Variants in FAF1 observed in about 807,000 individuals in gnomAD.
FAF1 encodes FAS-associated factor 1.
A neutral mutation model predicts 92.5 loss-of-function variants in FAF1; 25 were observed. That is an observed-to-expected ratio of 0.27 (90% CI 0.20 to 0.38). The LOEUF is 0.38. Among genes scored for constraint, FAF1 ranks in the 10% least tolerant of loss-of-function variants. The pLI, the probability that FAF1 is intolerant of heterozygous loss-of-function variation, is 1.00. For synonymous variants in FAF1, 234 were observed against 273.2 expected, an observed-to-expected ratio of 0.86 and a Z score of 1.42; for missense variants, 636 against 793.3, an observed-to-expected ratio of 0.80 and a Z score of 2.38.
intron 7 of FAF1, among the ~76,000 whole-genome samples, chr1:50,678,964 G>C (rs1362084126): frequency 6.6e-6 from 1 of 151,614 alleles, no homozygotes; most frequent in African/African-American, 2.4e-5. Flanking sequence ...GCAGGCGCCT[G>C]TAGTCCCAGC....
At chr1:50,728,281 G>A (rs1335034156) in intron 6 of FAF1, among the ~76,000 whole-genome samples, 1 of 152,070 alleles carries the variant, frequency 6.6e-6, no homozygotes, top group African/African-American at 2.4e-5. Flanking sequence ...TTGTTACCTG[G>A]TAGTATCATT....
intron 8 of FAF1, among the ~76,000 whole-genome samples, chr1:50,651,199 CTCT>C (rs1654847709): frequency 6.6e-6 from 1 of 152,152 alleles, no homozygotes; most frequent in African/African-American, 2.4e-5. Context: ...AACAAAACAT[CTCT>C]TGTGTTACTG....
At chr1:50,852,415 A>C (rs1454843432) in intron 2 of FAF1, among the ~76,000 whole-genome samples, 1 of 152,246 alleles carries the variant, frequency 6.6e-6, no homozygotes, top group Non-Finnish European at 1.5e-5. Context: ...TGTCACAGAC[A>C]AAATTAATAA....
intron 7 of FAF1, among the ~76,000 whole-genome samples, chr1:50,668,909 T>TA (rs1469329035): frequency 1.3e-5 from 2 of 152,140 alleles, no homozygotes; most frequent in Non-Finnish European, 2.9e-5. Context: ...AGTCTCCTGT[T>TA]AAAAAATTAC....
intron 6 of FAF1, among the ~76,000 whole-genome samples, chr1:50,722,041 T>G (rs557231142): frequency 6.6e-6 from 1 of 152,286 alleles, no homozygotes; most frequent in Non-Finnish European, 1.5e-5. Context: ...GCAAATTATT[T>G]GGAGATATTA....
At chr1:50,554,386 TATATAG>T (rs1483056665) in intron 13 of FAF1, among the ~76,000 whole-genome samples, 17 of 99,494 alleles carry the variant, frequency 1.7e-4, no homozygotes, top group South Asian at 6.1e-4. Flanking sequence ...TATATATATA[TATATAG>T]AGAGAGAGAG....
intron 15 of FAF1, among the ~76,000 whole-genome samples, chr1:50,527,860 C>CT (rs1647910568): frequency 3.3e-5 from 2 of 61,138 alleles, no homozygotes; most frequent in East Asian, 3.0e-4. Flanking sequence ...TCCCTCTCTC[C>CT]CTCTCTCCCT....
intron 12 of FAF1, among the ~76,000 whole-genome samples, chr1:50,576,617 G>T (rs1474373282): frequency 6.7e-6 from 1 of 148,446 alleles, no homozygotes; most frequent in Non-Finnish European, 1.5e-5. Context: ...GGAAAAAAAA[G>T]ACTCATCTCC....
intron 4 of FAF1, among the ~76,000 whole-genome samples, chr1:50,783,977 T>C (rs1300642491): frequency 2.6e-5 from 4 of 152,132 alleles, no homozygotes; most frequent in Non-Finnish European, 5.9e-5. Flanking sequence ...CAAAAAGCTT[T>C]TGACAGAAGT....
chr1:50,855,111 C>G (rs1644380530), intron 2 of FAF1, among the ~76,000 whole-genome samples: 1 of 151,760 alleles, frequency 6.6e-6, no homozygotes, highest in Non-Finnish European at 1.5e-5. Context: ...CTGAAAAAAT[C>G]CAAAATCTGG....
chr1:50,690,534 G>A (rs543311873), intron 7 of FAF1, among the ~76,000 whole-genome samples: 4 of 152,178 alleles, frequency 2.6e-5, no homozygotes, highest in Admixed American at 2.0e-4. Flanking sequence ...CTGGGAGGCG[G>A]AGGTTGCAGT....
At chr1:50,723,110 C>T (rs989827077) in intron 6 of FAF1, among the ~76,000 whole-genome samples, 7 of 152,002 alleles carry the variant, frequency 4.6e-5, no homozygotes, top group Non-Finnish European at 1.0e-4. Flanking sequence ...GAAACAGAAA[C>T]AGGATGAGGG....
chr1:50,717,481 T>C (rs981946710), intron 6 of FAF1, among the ~76,000 whole-genome samples: 1 of 152,182 alleles, frequency 6.6e-6, no homozygotes, highest in Non-Finnish European at 1.5e-5. Flanking sequence ...TAAAGGGCTA[T>C]TGTTTAAGCT....
intron 1 of FAF1, among the ~76,000 whole-genome samples, chr1:50,864,794 T>A (rs1408652204): frequency 1.3e-5 from 2 of 152,136 alleles, no homozygotes; most frequent in Non-Finnish European, 1.5e-5. Context: ...GGACTTCATG[T>A]GTAAAACACC....
intron 2 of FAF1, among the ~76,000 whole-genome samples, chr1:50,823,656 T>C (rs1644066727): frequency 6.6e-6 from 1 of 151,860 alleles, no homozygotes; most frequent in South Asian, 2.1e-4. Context: ...TACTTTATTT[T>C]TGAAAACAAT....
chr1:50,478,917 T>C (rs1001843545), intron 17 of FAF1, among the ~76,000 whole-genome samples: 1 of 152,198 alleles, frequency 6.6e-6, no homozygotes, highest in Non-Finnish European at 1.5e-5. Flanking sequence ...AAATCTTAAG[T>C]GTACAACTTG....
At chr1:50,802,822 C>A (rs1209540720) in intron 2 of FAF1, among the ~76,000 whole-genome samples, 1 of 152,174 alleles carries the variant, frequency 6.6e-6, no homozygotes, top group African/African-American at 2.4e-5. Context: ...AAACACCTAC[C>A]AATTCAATGT....
intron 6 of FAF1, among the ~76,000 whole-genome samples, chr1:50,729,030 CTATCTATATATA>C: frequency 1.3e-5 from 1 of 74,514 alleles, no homozygotes; most frequent in Admixed American, 1.3e-4. Flanking sequence ...ATCTATCTAT[CTATCTATATATA>C]TATATATATA....
chr1:50,597,072 T>C (rs1347303345), intron 8 of FAF1, among the ~76,000 whole-genome samples: 2 of 152,234 alleles, frequency 1.3e-5, no homozygotes, highest in African/African-American at 2.4e-5. Context: ...ATTTGATTAT[T>C]ACTTTCTCCA....
Sources: allele counts gnomAD v4.1 joint callset (sites outside exome capture counted in the v4.1 genomes callset), GRCh38; gene constraint gnomAD v4.1.1; transcripts MANE v1.5; gene names NCBI Gene and HGNC (gene_info 2026-07-23, HGNC 2026-07-21).